The following C8orf88 variants were observed in gnomAD, a reference collection of about 807,000 sequenced individuals.
C8orf88 encodes chromosome 8 open reading frame 88, also known as uncharacterized protein C8orf88.
A neutral mutation model predicts 18.4 loss-of-function variants in C8orf88; 14 were observed. The ratio of observed to expected loss-of-function variants is 0.76; its 90% confidence interval spans 0.50 to 1.19. C8orf88 has a LOEUF of 1.19. Ranked by LOEUF, C8orf88 falls within the 50% of genes most tolerant of loss-of-function variation. The probability of loss-of-function intolerance (pLI) is 0.00; values close to 1 mark genes in which losing one functional copy is unlikely to be tolerated. For missense variants in C8orf88, 116 were observed against 134.7 expected (o/e 0.86, Z 0.69); for synonymous variants, 45 against 42.9 (o/e 1.05, Z -0.19).
chr8:90,985,244 CGGCGGGGGGCGAGG>C (rs1272625169), upstream of C8orf88: 3,533 of 37,180 alleles, frequency 0.095, 129 homozygotes, highest in African/African-American at 0.23. Flanking sequence ...GCGGTGGCGG[CGGCGGGGGGCGAGG>C]GGCGGGGGGC....
At chr8:90,978,179 TA>T (rs1177375747) in intron 3 of C8orf88, among the ~76,000 whole-genome samples, 2 of 152,146 alleles carry the variant, frequency 1.3e-5, no homozygotes, top group African/African-American at 2.4e-5. Flanking sequence ...AAATTTGTAA[TA>T]AAATGTTAAA....
intron 1 of C8orf88, among the ~76,000 whole-genome samples, chr8:90,981,204 G>A (rs2631025): frequency 0.48 from 73,324 of 151,962 alleles, 20,701 homozygotes; most frequent in Non-Finnish European, 0.64. Flanking sequence ...TTTAACTCCT[G>A]TATTCCTTTA....
At chr8:90,961,346 G>A (rs1222762620) in intron 4 of C8orf88, among the ~76,000 whole-genome samples, 1 of 151,074 alleles carries the variant, frequency 6.6e-6, no homozygotes. Context: ...CTATCTTCAA[G>A]GAGAACAATG....
intron 1 of C8orf88, among the ~76,000 whole-genome samples, chr8:90,982,919 G>T (rs557364396): frequency 6.6e-6 from 1 of 152,188 alleles, no homozygotes; most frequent in African/African-American, 2.4e-5. Context: ...TGAGTCACGA[G>T]ATTATAATTA....
At chr8:90,976,771 C>G (rs1387213232) in intron 3 of C8orf88, among the ~76,000 whole-genome samples, 1 of 151,998 alleles carries the variant, frequency 6.6e-6, no homozygotes, top group Non-Finnish European at 1.5e-5. Context: ...AGGAGAAAAA[C>G]TAGATTTCTA....
At chr8:90,962,736 G>C (rs556626233) in intron 4 of C8orf88, among the ~76,000 whole-genome samples, 2 of 151,614 alleles carry the variant, frequency 1.3e-5, no homozygotes, top group South Asian at 2.1e-4. Flanking sequence ...GAACCATCTT[G>C]AGAAGCTTGC....
At chr8:90,963,632 A>C (rs979600528) in intron 4 of C8orf88, among the ~76,000 whole-genome samples, 3 of 151,746 alleles carry the variant, frequency 2.0e-5, no homozygotes, top group Admixed American at 6.6e-5. Context: ...TTATAAGAAG[A>C]AGCCAGATAG....
At chr8:90,972,902 TATTTTTCTATA>T (rs998782380) in intron 3 of C8orf88, among the ~76,000 whole-genome samples, 81 of 152,312 alleles carry the variant, frequency 5.3e-4, no homozygotes, top group Middle Eastern at 6.8e-3. Context: ...AGAAAACTTG[TATTTTTCTATA>T]ATTTTTCAAT....
intron 4 of C8orf88, among the ~76,000 whole-genome samples, chr8:90,970,169 A>T (rs1434350092): frequency 4.6e-5 from 7 of 152,138 alleles, no homozygotes; most frequent in Admixed American, 3.9e-4. Flanking sequence ...TAGTATAAAG[A>T]GTGAGTAACA....
At chr8:90,977,291 G>C (rs1384515922) in intron 3 of C8orf88, among the ~76,000 whole-genome samples, 2 of 152,146 alleles carry the variant, frequency 1.3e-5, no homozygotes, top group East Asian at 3.8e-4. Context: ...GTAAGGTGAG[G>C]ACATAGACAA....
chr8:90,975,363 A>G (rs1312720689), intron 3 of C8orf88, among the ~76,000 whole-genome samples: 7 of 152,284 alleles, frequency 4.6e-5, no homozygotes, highest in Middle Eastern at 3.4e-3. Flanking sequence ...TTTGAAATAA[A>G]TTAATGCATG....
chr8:90,965,572 G>T (rs941042345), intron 4 of C8orf88, among the ~76,000 whole-genome samples: 3 of 151,598 alleles, frequency 2.0e-5, no homozygotes, highest in African/African-American at 7.3e-5. Context: ...AAGCACACAT[G>T]GAACCACAGC....
chr8:90,985,270 A>AGGGGCGG (rs1410878888), upstream of C8orf88: 111 of 2,030 alleles, frequency 0.055, no homozygotes, highest in African/African-American at 0.18. Flanking sequence ...GCGGGGGGCG[A>AGGGGCGG]GGGGCGGGGG....
chr8:90,980,652 C>A (rs58687739), intron 1 of C8orf88, among the ~76,000 whole-genome samples, 191 bp from the exon 2 acceptor site: 15,202 of 152,030 alleles, frequency 0.1, 2,093 homozygotes, highest in African/African-American at 0.31. Flanking sequence ...TAAACATTCC[C>A]TCTTTGAAAC....
rs1272016927 is a variant in C8orf88 at position 90,963,221 on chromosome 8, TAACAG to T, written c.224-2378_224-2374del. On this transcript the variant is annotated intron_variant, in intron 4 of 5. Transcript: ENST00000517562. ...TCAAATCACCAGCTGACCACTAAGATAACAGAACAGAGACTTCCATGGTCATGCAT... is the reference window on the plus strand; with the variant it reads ...TCAAATCACCAGCTGACCACTAAGATAACAGAGACTTCCATGGTCATGCAT... Among the ~76,000 whole-genome samples, 24 of 151,628 alleles carry T rather than the reference TAACAG, an allele frequency of 1.6e-4. No homozygotes were observed. The Admixed American group carries it at 1.6e-3, about 10-fold the overall frequency.
At chr8:90,970,690 A>G (rs1811269863) in intron 4 of C8orf88, among the ~76,000 whole-genome samples, 1 of 152,040 alleles carries the variant, frequency 6.6e-6, no homozygotes, top group Non-Finnish European at 1.5e-5. Flanking sequence ...ATGGCTACAC[A>G]GGAACATGAT....
chr8:90,960,880 G>A, intron 4 of C8orf88, 32 bp from the exon 5 acceptor site: 1 of 1,233,744 alleles, frequency 8.1e-7, no homozygotes, highest in Non-Finnish European at 1.1e-6. Context: ...TATAATGTTA[G>A]GAAATGTAGG....
intron 4 of C8orf88, among the ~76,000 whole-genome samples, chr8:90,970,394 T>C (rs1217460978): frequency 2.6e-5 from 4 of 152,008 alleles, no homozygotes; most frequent in Non-Finnish European, 4.4e-5. Context: ...CTTCAAACTT[T>C]TAAACTACAT....
At chr8:90,979,292 G>T (rs141322436) in intron 2 of C8orf88, among the ~76,000 whole-genome samples, 5 of 152,134 alleles carry the variant, frequency 3.3e-5, no homozygotes, top group African/African-American at 1.2e-4. Flanking sequence ...GAGATGAAGG[G>T]GGGTGGGAGT....
Sources: gnomAD v4.1 joint callset for allele counts (sites outside exome capture counted in the v4.1 genomes callset) on GRCh38, gnomAD v4.1.1 for gene constraint, MANE v1.5 for transcripts, NCBI Gene and HGNC (gene_info 2026-07-23, HGNC 2026-07-21) for gene names.